Variants in CCDC81 observed in about 807,000 individuals in gnomAD.
CCDC81 encodes the protein coiled-coil domain containing 81.
Under a neutral mutation model 83.7 loss-of-function variants are expected in CCDC81, and 79 were observed. The observed-to-expected ratio is 0.94, with a 90% CI of 0.79 to 1.14. CCDC81 has a LOEUF of 1.14. Among genes scored for constraint, CCDC81 ranks in the 50% most tolerant of loss-of-function variants. The pLI, the probability that CCDC81 is intolerant of heterozygous loss-of-function variation, is 0.00. For synonymous variants in CCDC81, 252 were observed against 278.1 expected, an observed-to-expected ratio of 0.91 and a Z score of 0.93; for missense variants, 791 against 778.1, an observed-to-expected ratio of 1.02 and a Z score of -0.20.
At chr11:86,388,859 A>G (rs72966092) in intron 3 of CCDC81, among the ~76,000 whole-genome samples, 1,746 of 152,366 alleles carry the variant, frequency 0.011, 11 homozygotes, top group Middle Eastern at 0.02. Context: ...CATTAAAATT[A>G]AAGCTCATTT....
At chr11:86,388,155 C>T (rs1232253274) in intron 3 of CCDC81, among the ~76,000 whole-genome samples, 3 of 152,044 alleles carry the variant, frequency 2.0e-5, no homozygotes, top group Non-Finnish European at 4.4e-5. Flanking sequence ...ATATACCTTT[C>T]GCATACCCTA....
At chr11:86,379,602 T>C (rs1317366881) in intron 1 of CCDC81, among the ~76,000 whole-genome samples, 1 of 152,184 alleles carries the variant, frequency 6.6e-6, no homozygotes, top group Non-Finnish European at 1.5e-5. Context: ...TGTAAATATA[T>C]ATGATATATG....
At position 86,387,491 on chromosome 11, in the gene CCDC81, G is replaced by A. The variant is rs760642505; in HGVS notation, c.142-25G>A. The A allele has an allele frequency of 4.3e-6, 7 of 1,609,316 alleles. No individual in the cohort carries two copies. The South Asian group carries it at 7.7e-5, about 18-fold the overall frequency. Reference sequence around the variant, plus strand: ...TTTCTTCACTCCTTCAATGAATTCTGTTTTGTTTTGTTTTTTCCTTTCAGG... The same window carrying A: ...TTTCTTCACTCCTTCAATGAATTCTATTTTGTTTTGTTTTTTCCTTTCAGG... On this transcript the variant is annotated intron_variant, in intron 2 of 14. Coordinates refer to ENST00000445632, the MANE Select transcript of CCDC81 (RefSeq NM_001156474.2).
Position 86,409,080 on chromosome 11 carries a change from T to C in CCDC81, c.1114-181T>C, listed in dbSNP as rs568246543. Among the ~76,000 whole-genome samples the C allele has an allele frequency of 3.3e-5, 5 of 152,272 alleles. No individual in the cohort carries two copies. The East Asian group carries it at 7.7e-4, about 23-fold the overall frequency. ...TAAAGGCCAAGAAAAGGAAATAAAA[T>C]ACCTTTCCCAATCTACTTTTATAAA... On this transcript the variant is annotated intron_variant, in intron 9 of 14. Coordinates refer to ENST00000445632, the MANE Select transcript of CCDC81 (RefSeq NM_001156474.2).
chr11:86,411,382 C>CA (rs1948639456), intron 10 of CCDC81, among the ~76,000 whole-genome samples: 1 of 152,188 alleles, frequency 6.6e-6, no homozygotes, highest in South Asian at 2.1e-4. Flanking sequence ...AATAACCAAC[C>CA]AGTTTAGCTC....
intron 7 of CCDC81, 150 bp from the exon 8 acceptor site, chr11:86,407,464 G>C: frequency 1.8e-6 from 1 of 554,264 alleles, no homozygotes; most frequent in Non-Finnish European, 3.2e-6. Flanking sequence ...TTCAGATTCT[G>C]TGGTACATAT....
At chr11:86,386,461 A>G (rs1417882179) in intron 2 of CCDC81, among the ~76,000 whole-genome samples, 1 of 152,204 alleles carries the variant, frequency 6.6e-6, no homozygotes, top group Non-Finnish European at 1.5e-5. Flanking sequence ...ATAGAAGGAT[A>G]TAACGCTTCT....
chr11:86,414,884 ATAT>A lies in CCDC81; in HGVS notation c.1470+22_1470+24del. On this transcript the variant is annotated intron_variant, in intron 12 of 14. Coordinates refer to ENST00000445632, the MANE Select transcript of CCDC81 (RefSeq NM_001156474.2). ...GATGCACAGGTAAGGGGACAGACAA[ATAT>A]TATTTTTAAAATTATGCAATGCATC... is the stretch of plus-strand genomic sequence containing the variant. 1.9e-6 allele frequency: 3 copies of A among 1,578,512 alleles called. No individual in the cohort carries two copies. Among genetic ancestry groups the A allele is most frequent in the Non-Finnish European group, 2.6e-6 (3 of 1,163,462 alleles).
At position 86,381,296 on chromosome 11, in the gene CCDC81, AG is replaced by A. The variant is rs1190813769; in HGVS notation, c.80-4752del. 3.9e-5 allele frequency among the ~76,000 whole-genome samples: 6 copies of A among 152,298 alleles called. No homozygotes were observed. The East Asian group carries it at 1.2e-3, about 29-fold the overall frequency. ...GGCTCTGGTGAACTAGTTTCTTCTG[AG>A]GGCAGGTCATTAAGGACAACAGAGT... On this transcript the variant is annotated intron_variant, in intron 1 of 14. Transcript: ENST00000445632.
chr11:86,419,384 C>G (rs1948759732), intron 13 of CCDC81: 1 of 152,232 alleles, frequency 6.6e-6, no homozygotes, highest in Non-Finnish European at 1.5e-5. Flanking sequence ...ATGACATGGC[C>G]TTCACCAAAC....
At chr11:86,392,182 TC>T (rs1948340113) in intron 3 of CCDC81, among the ~76,000 whole-genome samples, 1 of 152,122 alleles carries the variant, frequency 6.6e-6, no homozygotes, top group Non-Finnish European at 1.5e-5. Flanking sequence ...CTGCAGTATG[TC>T]CTAAAAGATA....
At position 86,386,040 on chromosome 11, in the gene CCDC81, T is replaced by G. The variant is rs771656666; in HGVS notation, c.80-11T>G. On this transcript the variant is annotated splice_polypyrimidine_tract_variant and intron_variant, in intron 1 of 14. Transcript: ENST00000445632. ...TAAATTGAATAATTTCTGGTTACTT[T>G]TGAATTTCAGAAGTCTCTATTATCT... 1.3e-6 allele frequency: 2 copies of G among 1,484,670 alleles called. No homozygotes were observed. Among genetic ancestry groups the G allele is most frequent in the African/African-American group, 2.8e-5 (2 of 71,004 alleles). 92.0% of individuals were successfully genotyped at this position (1,484,670 alleles called of 1,614,324 possible).
intron 14 of CCDC81, 85 bp downstream of exon 14, chr11:86,420,138 T>G (rs1023947163): frequency 4.7e-6 from 7 of 1,505,152 alleles, no homozygotes; most frequent in Non-Finnish European, 6.3e-6. Flanking sequence ...TGATTAGCAG[T>G]GGCTGCCTAG....
intron 10 of CCDC81, among the ~76,000 whole-genome samples, chr11:86,411,642 A>T (rs1948642891): frequency 6.6e-6 from 1 of 152,050 alleles, no homozygotes. Flanking sequence ...ATGCACTCAG[A>T]ATTCCTTCTT....
chr11:86,417,360 T>A (rs1241083699), intron 13 of CCDC81, among the ~76,000 whole-genome samples: 1 of 152,048 alleles, frequency 6.6e-6, no homozygotes, highest in African/African-American at 2.4e-5. Flanking sequence ...AGGTTACATA[T>A]TAACCTTAAT....
chr11:86,377,690 T>G (rs1176995336), intron 1 of CCDC81, among the ~76,000 whole-genome samples: 1 of 152,206 alleles, frequency 6.6e-6, no homozygotes, highest in African/African-American at 2.4e-5. Flanking sequence ...CAGTGTCTTT[T>G]GCAAATATTT....
chr11:86,415,043 C>T (rs775682798), intron 12 of CCDC81, 50 bp from the exon 13 acceptor site: 4 of 1,589,018 alleles, frequency 2.5e-6, no homozygotes, highest in South Asian at 1.1e-5. Flanking sequence ...GTGCATAAAG[C>T]TTATTCCCTG....
chr11:86,402,783 G>T (rs1456278159), intron 7 of CCDC81, among the ~76,000 whole-genome samples: 1 of 152,054 alleles, frequency 6.6e-6, no homozygotes, highest in Non-Finnish European at 1.5e-5. Context: ...AAAGTGAAAT[G>T]ATGGTATTTC....
In CCDC81 at chr11:86,419,906, C is replaced by T. The variant is rs748188082; in HGVS notation, c.1692-22C>T. Reference sequence around the variant, plus strand: ...CATGCTCTTCCAAGTATTATGGAGCCAGGCTGTTCTTTTCTCTCCAGGCAC... The same window carrying T: ...CATGCTCTTCCAAGTATTATGGAGCTAGGCTGTTCTTTTCTCTCCAGGCAC... On this transcript the variant is annotated intron_variant, in intron 13 of 14. Transcript: ENST00000445632. 1.5e-5 allele frequency: 24 copies of T among 1,599,460 alleles called. No homozygotes were observed. The African/African-American group carries it at 3.0e-4, about 20-fold the overall frequency.
Sources: gnomAD v4.1 joint callset for allele counts (sites outside exome capture counted in the v4.1 genomes callset) on GRCh38, gnomAD v4.1.1 for gene constraint, MANE v1.5 for transcripts, NCBI Gene and HGNC (gene_info 2026-07-23, HGNC 2026-07-21) for gene names.